The following P4HA3 variants were observed in gnomAD, a reference collection of about 807,000 sequenced individuals.
P4HA3 encodes prolyl 4-hydroxylase subunit alpha 3.
A neutral mutation model predicts 66.7 loss-of-function variants in P4HA3; 60 were observed. That is an observed-to-expected ratio of 0.90 (90% CI 0.73 to 1.12). The LOEUF is 1.12. P4HA3 is among the 50% of genes most tolerant of loss of function. The pLI, the probability that P4HA3 is intolerant of heterozygous loss-of-function variation, is 0.00. For missense variants in P4HA3, 683 were observed against 685.8 expected (o/e 1.00, Z 0.05); for synonymous variants, 263 against 274.6 (o/e 0.96, Z 0.42).
intron 1 of P4HA3, among the ~76,000 whole-genome samples, chr11:74,306,555 G>A (rs1389155494): frequency 6.6e-5 from 10 of 152,188 alleles, no homozygotes; most frequent in Admixed American, 1.3e-4. Context: ...AAAAATGAAC[G>A]TGTGCAAGAG....
At chr11:74,274,311 T>TG (rs1261737429) in intron 9 of P4HA3, among the ~76,000 whole-genome samples, 2 of 150,950 alleles carry the variant, frequency 1.3e-5, no homozygotes, top group African/African-American at 4.9e-5. Context: ...TTTGTTTTTT[T>TG]TTTTTTGTTT....
At chr11:74,269,793 C>A in intron 10 of P4HA3, 73 bp from the exon 11 acceptor site, 3 of 1,407,358 alleles carry the variant, frequency 2.1e-6, no homozygotes, top group Non-Finnish European at 3.0e-6. Context: ...GATGTCACAT[C>A]TGCATAGATT....
chr11:74,266,650 G>C (rs1859997069), downstream of P4HA3: 1 of 169,892 alleles, frequency 5.9e-6, no homozygotes, highest in Non-Finnish European at 1.3e-5. Context: ...TTCTCAGTTG[G>C]GAAAAATGAT....
chr11:74,292,046 T>C (rs909382459), intron 4 of P4HA3, among the ~76,000 whole-genome samples: 4 of 152,208 alleles, frequency 2.6e-5, no homozygotes, highest in Non-Finnish European at 5.9e-5. Context: ...GTACCTCTGG[T>C]AGAATTCGGC....
intron 1 of P4HA3, among the ~76,000 whole-genome samples, chr11:74,309,337 CA>C (rs976419062): frequency 1.3e-5 from 2 of 152,150 alleles, no homozygotes; most frequent in African/African-American, 4.8e-5. Flanking sequence ...CCTGCTGTGA[CA>C]AAGTTGTGAT....
At chr11:74,311,329 A>ACCCCACCCTGCCCCCCCCCACCCCACC (rs1861735973) in intron 1 of P4HA3, 83 bp downstream of exon 1, 1 of 1,355,244 alleles carries the variant, frequency 7.4e-7, no homozygotes, top group Non-Finnish European at 9.6e-7. Flanking sequence ...GCCTGGGGTC[A>ACCCCACCCTGCCCCCCCCCACCCCACC]CACTCAACCT....
intron 4 of P4HA3, among the ~76,000 whole-genome samples, chr11:74,296,648 G>T (rs1323970631): frequency 6.6e-6 from 1 of 152,208 alleles, no homozygotes; most frequent in Admixed American, 6.5e-5. Context: ...AAAACAGGAT[G>T]TGGAAAGCAA....
At chr11:74,309,629 C>A (rs1861668909) in intron 1 of P4HA3, among the ~76,000 whole-genome samples, 1 of 152,128 alleles carries the variant, frequency 6.6e-6, no homozygotes, top group African/African-American at 2.4e-5. Flanking sequence ...TGACTCTGGG[C>A]TATGAACAAA....
chr11:74,279,456 G>A lies in P4HA3; in HGVS notation c.1111-4C>T, dbSNP rs1254308142. On this transcript the variant is annotated splice_polypyrimidine_tract_variant and splice_region_variant and intron_variant, in intron 7 of 12. Transcript: ENST00000331597. ...ATGCCACCACTGACCTCTGTAGCTG[G>A]TGGGAAGAATGTAAGACAAAGTCCA... The A allele has an allele frequency of 3.7e-6, 6 of 1,613,850 alleles. No homozygotes were observed. Among genetic ancestry groups the A allele is most frequent in the Non-Finnish European group, 5.1e-6 (6 of 1,179,772 alleles).
rs1292627837 is a variant in P4HA3, at chr11:74,287,001, C to A, written c.770-610G>T. 7.9e-6 allele frequency: 6 copies of A among 757,804 alleles called. No individual in the cohort carries two copies. The East Asian group carries it at 6.2e-4, about 78-fold the overall frequency. 46.9% of individuals were successfully genotyped at this position (757,804 alleles called of 1,614,324 possible). On this transcript the variant is annotated intron_variant, in intron 5 of 12. Coordinates refer to ENST00000331597, the MANE Select transcript of P4HA3 (RefSeq NM_182904.5). ...TAGATCTTTCAAATCTCCTAACTGGCCTAGACCCAGAGCAAAGAAGTATGG... is the reference window on the plus strand; with the variant it reads ...TAGATCTTTCAAATCTCCTAACTGGACTAGACCCAGAGCAAAGAAGTATGG...
chr11:74,306,078 T>A (rs551409532), intron 1 of P4HA3, among the ~76,000 whole-genome samples: 1 of 152,010 alleles, frequency 6.6e-6, no homozygotes, highest in Admixed American at 6.5e-5. Context: ...GGAGGCCACT[T>A]CAAAACTGCA....
rs1341484512 is a variant in P4HA3 at position 74,304,393 on chromosome 11, A to G, written c.220T>C (p.Ser74Pro). 5.6e-6 allele frequency: 9 copies of G among 1,614,124 alleles called. No individual in the cohort carries two copies. The highest frequency in any genetic ancestry group is 7.6e-6 in the Non-Finnish European group (9 of 1,180,004). The part of the protein sequence containing the change: ...DLTRFYDKVL[S>P]LHEDSTTPVA... ...GGGGTTGTTGAATCCTCATGCAAAG[A>G]AAGTACCTTGTCGTAGAATCTGAAA... is the stretch of plus-strand genomic sequence containing the variant. The change falls in exon 2 of 13, where the codon TCT becomes CCT. Residue 74 changes from serine to proline, a missense_variant. Coordinates refer to ENST00000331597, the MANE Select transcript of P4HA3 (RefSeq NM_182904.5).
intron 7 of P4HA3, chr11:74,285,335 T>C (rs1860752683): frequency 2.6e-5 from 4 of 152,690 alleles, no homozygotes; most frequent in Admixed American, 1.3e-4. Context: ...AGCTTTCTAC[T>C]CTAACTCTGT....
chr11:74,283,007 T>C (rs1294058732), intron 7 of P4HA3, among the ~76,000 whole-genome samples: 1 of 152,018 alleles, frequency 6.6e-6, no homozygotes, highest in East Asian at 1.9e-4. Context: ...AGAGAAGTGA[T>C]GAGTGAGTGT....
At chr11:74,274,002 C>CTT (rs886883688) in intron 9 of P4HA3, among the ~76,000 whole-genome samples, 1 of 148,024 alleles carries the variant, frequency 6.8e-6, no homozygotes, top group Non-Finnish European at 1.5e-5. Context: ...GAGACATACT[C>CTT]TTTTTTTTTT....
chr11:74,268,198 C>G lies in P4HA3; in HGVS notation c.1511G>C (p.Gly504Ala). 1 of 1,614,080 alleles carries G rather than the reference C, an allele frequency of 6.2e-7. No homozygotes were observed. Among genetic ancestry groups the G allele is most frequent in the Non-Finnish European group, 8.5e-7 (1 of 1,179,978 alleles). Residue 504 changes from glycine to alanine, a missense_variant, in exon 12 of 13, where the codon GGG (glycine) becomes GCG (alanine). Gly to Ala is a moderately conservative substitution (Grantham distance 60). Coordinates refer to ENST00000331597, the MANE Select transcript of P4HA3 (RefSeq NM_182904.5). Reference protein sequence around the residue: ...FWWNLHRSGEGDSDTLHAGCP... With the variant: ...FWWNLHRSGEADSDTLHAGCP... ...GCCAGCATGAAGTGTGTCACTGTCC[C>G]CTTCACCACTCCTGTGCAGGTTCCA...
intron 15 of P4HA3, chr11:74,253,794 G>A (rs1859766098): frequency 1.8e-6 from 1 of 545,790 alleles, no homozygotes. Context: ...GTTGCCTAGG[G>A]TAAAGCCTCC....
At chr11:74,281,367 T>C (rs1226750759) in intron 7 of P4HA3, among the ~76,000 whole-genome samples, 2 of 152,140 alleles carry the variant, frequency 1.3e-5, no homozygotes, top group Non-Finnish European at 2.9e-5. Flanking sequence ...AGCCATCCCA[T>C]TACTGGGTAT....
intron 3 of P4HA3, among the ~76,000 whole-genome samples, chr11:74,300,171 T>C (rs1861361479): frequency 5.3e-5 from 8 of 152,090 alleles, no homozygotes; most frequent in Admixed American, 5.2e-4. Flanking sequence ...CACCCAAAAC[T>C]CTCTGGAGGG....
Sources: gnomAD v4.1 joint callset for allele counts (sites outside exome capture counted in the v4.1 genomes callset) on GRCh38, gnomAD v4.1.1 for gene constraint, MANE v1.5 for transcripts, NCBI Gene and HGNC (gene_info 2026-07-23, HGNC 2026-07-21) for gene names.